Variants in RAP1B observed in about 807,000 individuals in gnomAD.
RAP1B encodes the protein ras-related protein Rap-1b.
In RAP1B, 1 loss-of-function variant was observed where a neutral mutation model predicts 27.5. The ratio of observed to expected loss-of-function variants is 0.04; its 90% CI spans 0.01 to 0.17. RAP1B has a LOEUF of 0.17. Ranked by LOEUF, RAP1B falls within the 10% of genes least tolerant of loss-of-function variation. The pLI is 1.00. For missense variants in RAP1B, 84 were observed against 214.8 expected (o/e 0.39, Z 3.81); for synonymous variants, 75 against 73.1 (o/e 1.03, Z -0.13).
intron 1 of RAP1B, chr12:68,642,720 C>T (rs368552921): frequency 5.7e-5 from 62 of 1,092,732 alleles, no homozygotes; most frequent in East Asian, 4.5e-4. Context: ...TCTTTTTCTT[C>T]GGCATCCACC....
At chr12:68,636,962 C>CT (rs1178463798) in intron 1 of RAP1B, among the ~76,000 whole-genome samples, 13 of 151,998 alleles carry the variant, frequency 8.6e-5, no homozygotes, top group Non-Finnish European at 1.9e-4. Context: ...CCTGTCCCTA[C>CT]TTTTTTTAAT....
At chr12:68,633,152 T>TA (rs1254543900) in intron 1 of RAP1B, among the ~76,000 whole-genome samples, 1 of 152,206 alleles carries the variant, frequency 6.6e-6, no homozygotes, top group Non-Finnish European at 1.5e-5. Flanking sequence ...GGTGACATCT[T>TA]ACATCTAAAA....
intron 2 of RAP1B, chr12:68,648,988 G>C: frequency 2.0e-6 from 1 of 497,404 alleles, no homozygotes; most frequent in Non-Finnish European, 3.5e-6. Flanking sequence ...AGAATGACAC[G>C]AGTTATGCTG....
chr12:68,615,311 A>C (rs556803894), intron 1 of RAP1B, among the ~76,000 whole-genome samples: 4 of 152,304 alleles, frequency 2.6e-5, no homozygotes, highest in South Asian at 2.1e-4. Context: ...GAAATGTACC[A>C]GTTTTTTTTA....
intron 1 of RAP1B, among the ~76,000 whole-genome samples, chr12:68,615,715 A>G (rs1335885279): frequency 6.6e-6 from 1 of 151,956 alleles, no homozygotes; most frequent in Non-Finnish European, 1.5e-5. Context: ...TTTATATCAA[A>G]CCATTTCCTA....
rs1418763850 is a variant in RAP1B at position 68,656,468 on chromosome 12, A to C, written c.468+19A>C. On this transcript the variant is annotated intron_variant, in intron 6 of 7. Transcript: ENST00000250559. ...TAATGAGGTATGGTCAAATATACTT[A>C]AAATGGGTCTTCATTTGAAGTACAA... The C allele has an allele frequency of 2.5e-6, 4 of 1,590,460 alleles. No individual in the cohort carries two copies. Among genetic ancestry groups the C allele is most frequent in the Non-Finnish European group, 3.5e-6 (4 of 1,158,820 alleles).
rs894385942 is a variant in RAP1B at position 68,636,988 on chromosome 12, T to G, written c.-26-11711T>G. Among the ~76,000 whole-genome samples the G allele has an allele frequency of 2.6e-5, 4 of 152,148 alleles. No individual in the cohort carries two copies. In the East Asian group the frequency reaches 7.7e-4, roughly 29 times the overall value. Reference sequence around the variant, plus strand: ...TTTTTTTAATGCCAAGATTTGTGTATTTCATCTTCAGTTGGGATTCATGGC... The same window carrying G: ...TTTTTTTAATGCCAAGATTTGTGTAGTTCATCTTCAGTTGGGATTCATGGC... On this transcript the variant is annotated intron_variant, in intron 1 of 7. Coordinates refer to ENST00000250559, the MANE Select transcript of RAP1B (RefSeq NM_001010942.3).
rs1874602418 is a variant in RAP1B, at chr12:68,661,705, G to A, written c.*2456G>A. The A allele has an allele frequency of 1.3e-5, 2 of 152,014 alleles. No homozygotes were observed. Among genetic ancestry groups the A allele is most frequent in the African/African-American group, 4.8e-5 (2 of 41,378 alleles). 9.4% of individuals were successfully genotyped at this position (152,014 alleles called of 1,614,324 possible). A position where few individuals can be genotyped will look rare whatever the true frequency, so the allele number is the denominator to read the frequency against. On this transcript the variant is annotated 3_prime_UTR_variant, in exon 8 of 8. Transcript: ENST00000250559. ...GACATTGCCAGATGTTCCCCAGTTG[G>A]ATTGTTGGGGGACAAGGGAGGTGAA...
At chr12:68,656,238 ATTC>A (rs1874195496) in intron 5 of RAP1B, 65 bp from the exon 6 acceptor site, 1 of 1,382,144 alleles carries the variant, frequency 7.2e-7, no homozygotes, top group African/African-American at 1.5e-5. Context: ...GACTCTTAGA[ATTC>A]TTTTGATTTG....
At chr12:68,620,965 ATAGT>A (rs1871347615) in intron 1 of RAP1B, among the ~76,000 whole-genome samples, 2 of 152,212 alleles carry the variant, frequency 1.3e-5, no homozygotes, top group South Asian at 2.1e-4. Context: ...GTTAAGAAAG[ATAGT>A]TAAGTTACAG....
Position 68,654,210 on chromosome 12 carries a change from A to G in RAP1B, c.282A>G (p.Gln94=). 1 of 1,603,532 alleles carries G rather than the reference A, an allele frequency of 6.2e-7. No individual in the cohort carries two copies. The highest frequency in any genetic ancestry group is 8.5e-7 in the Non-Finnish European group (1 of 1,171,646). Residue 94 remains glutamine, a synonymous_variant, in exon 5 of 8, where the codon CAA becomes CAG. Coordinates refer to ENST00000250559, the MANE Select transcript of RAP1B (RefSeq NM_001010942.3). The part of the protein sequence containing the change: ...ITAQSTFNDL[Q]DLREQILRVK... ...CACAGTCCACATTTAACGATTTACA[A>G]GACCTGAGAGAACAGATTCTTCGAG...
In RAP1B at chr12:68,644,686, C is replaced by CTTT. The variant is rs535569981; in HGVS notation, c.-26-3995_-26-3993dup. Among the ~76,000 whole-genome samples, 27 of 109,106 alleles carry CTTT rather than the reference C, an allele frequency of 2.5e-4. 2 individuals are homozygous for CTTT. Among genetic ancestry groups the CTTT allele is most frequent in the South Asian group, 7.4e-4 (2 of 2,714 alleles). 71.6% of individuals were successfully genotyped at this position (109,106 alleles called of 152,430 possible). A position where few individuals can be genotyped will look rare whatever the true frequency, so the allele number is the denominator to read the frequency against. On this transcript the variant is annotated intron_variant, in intron 1 of 7. Transcript: ENST00000250559. ...ATTGTTACTCTTATTTTAAAAGTTA[C>CTTT]TTTTTTTTTTTTTTTTTTTTGAGAT... is the stretch of plus-strand genomic sequence containing the variant.
intron 1 of RAP1B, among the ~76,000 whole-genome samples, chr12:68,628,131 G>T (rs1871949504): frequency 6.6e-6 from 1 of 152,104 alleles, no homozygotes; most frequent in African/African-American, 2.4e-5. Context: ...GAAGATGCCA[G>T]ATACTAGCTT....
intron 2 of RAP1B, chr12:68,649,062 A>AT (rs1873626578): frequency 3.1e-6 from 1 of 323,620 alleles, no homozygotes; most frequent in African/African-American, 2.2e-5. Flanking sequence ...TTGCATTCGC[A>AT]TTTCAGAGCC....
chr12:68,619,389 T>C (rs1043556112), intron 1 of RAP1B, among the ~76,000 whole-genome samples: 5 of 152,228 alleles, frequency 3.3e-5, no homozygotes, highest in African/African-American at 9.6e-5. Context: ...AATCTGTCAT[T>C]ATTTGATTAT....
chr12:68,651,620 T>C, intron 3 of RAP1B: 1 of 192,438 alleles, frequency 5.2e-6, no homozygotes. Context: ...TAAAGTATCA[T>C]GGGAGAATTT....
chr12:68,632,771 CT>C (rs1872359645), intron 1 of RAP1B, among the ~76,000 whole-genome samples: 1 of 152,082 alleles, frequency 6.6e-6, no homozygotes, highest in African/African-American at 2.4e-5. Flanking sequence ...CTTAACTCTC[CT>C]TTTTACAAAA....
In RAP1B at chr12:68,659,718, A is replaced by T. The variant is rs1874491692; in HGVS notation, c.*469A>T. ...TCTTTGATACTTGTAGCTTATTGTAATTTTTTTTAAGAAATTCAAGGTCAT... is the reference window on the plus strand; with the variant it reads ...TCTTTGATACTTGTAGCTTATTGTATTTTTTTTTAAGAAATTCAAGGTCAT... On this transcript the variant is annotated 3_prime_UTR_variant, in exon 8 of 8. Transcript: ENST00000250559. The T allele has an allele frequency of 6.6e-6, 1 of 152,152 alleles. No homozygotes were observed. Among genetic ancestry groups the T allele is most frequent in the African/African-American group, 2.4e-5 (1 of 41,280 alleles). The allele number at this position is 152,152 out of a possible 1,614,324, so 9.4% of individuals were successfully genotyped here.
chr12:68,614,783 G>T (rs1237134903), intron 1 of RAP1B, among the ~76,000 whole-genome samples: 1 of 152,176 alleles, frequency 6.6e-6, no homozygotes, highest in Admixed American at 6.5e-5. Flanking sequence ...ACTGTACCAT[G>T]GCTCTGGAAG....
Sources: gnomAD v4.1 joint callset for allele counts (sites outside exome capture counted in the v4.1 genomes callset) on GRCh38, gnomAD v4.1.1 for gene constraint, MANE v1.5 for transcripts, NCBI Gene and HGNC (gene_info 2026-07-23, HGNC 2026-07-21) for gene names.